SGCZ: variants seen among roughly 807,000 people sequenced by gnomAD.
The protein encoded by SGCZ is sarcoglycan zeta, also known as zeta-sarcoglycan.
A neutral mutation model predicts 41.3 loss-of-function variants in SGCZ; 40 were observed. The observed-to-expected ratio is 0.97, with a 90% CI of 0.75 to 1.26. The LOEUF is 1.26. Among genes scored for constraint, SGCZ ranks in the 50% most tolerant of loss-of-function variants. The pLI, the probability that SGCZ is intolerant of heterozygous loss-of-function variation, is 0.00. For synonymous variants in SGCZ, 206 were observed against 137.5 expected (o/e 1.50, Z -3.49); for missense variants, 552 against 369.8 (o/e 1.49, Z -4.04).
chr8:14,835,250 A>G (rs943158308), intron 1 of SGCZ, among the ~76,000 whole-genome samples: 2 of 152,164 alleles, frequency 1.3e-5, no homozygotes, highest in African/African-American at 4.8e-5. Flanking sequence ...GGCACCTGAA[A>G]TATTTTCATC....
intron 1 of SGCZ, among the ~76,000 whole-genome samples, chr8:14,814,931 G>C (rs1206845732): frequency 1.3e-5 from 2 of 152,052 alleles, no homozygotes; most frequent in Non-Finnish European, 2.9e-5. Flanking sequence ...AATGTTTGCT[G>C]TTTCTGTAAT....
chr8:14,775,710 G>T (rs944322519), intron 1 of SGCZ, among the ~76,000 whole-genome samples: 1 of 152,082 alleles, frequency 6.6e-6, no homozygotes, highest in East Asian at 1.9e-4. Flanking sequence ...AAGTGAAAAA[G>T]ATGTGAAGTC....
chr8:14,598,089 G>A (rs1805470258), intron 1 of SGCZ, among the ~76,000 whole-genome samples: 1 of 151,992 alleles, frequency 6.6e-6, no homozygotes, highest in African/African-American at 2.4e-5. Flanking sequence ...TGACTACATT[G>A]GTTTTTAAAA....
chr8:14,249,895 C>T (rs540584147), intron 3 of SGCZ, among the ~76,000 whole-genome samples: 23 of 152,222 alleles, frequency 1.5e-4, no homozygotes, highest in Admixed American at 3.9e-4. Flanking sequence ...GTATGTCTAG[C>T]TAAATCAAAA....
At chr8:15,156,957 A>G (rs995195054) in intron 1 of SGCZ, among the ~76,000 whole-genome samples, 3 of 151,552 alleles carry the variant, frequency 2.0e-5, no homozygotes, top group Admixed American at 6.6e-5. Flanking sequence ...AAAAAAAAAA[A>G]AAGAAAAGAA....
chr8:14,990,141 G>A (rs934645865), intron 1 of SGCZ, among the ~76,000 whole-genome samples: 2 of 152,136 alleles, frequency 1.3e-5, no homozygotes, highest in African/African-American at 4.8e-5. Flanking sequence ...TTTATAAAGT[G>A]AAGAAATTGA....
chr8:14,626,145 T>C (rs1806446349), intron 1 of SGCZ, among the ~76,000 whole-genome samples: 1 of 152,178 alleles, frequency 6.6e-6, no homozygotes. Context: ...CTTTTTGTTT[T>C]ATATCATTTT....
chr8:14,726,736 C>G (rs1810069736), intron 1 of SGCZ, among the ~76,000 whole-genome samples: 1 of 151,880 alleles, frequency 6.6e-6, no homozygotes, highest in Admixed American at 6.6e-5. Flanking sequence ...ACATACAAAC[C>G]TGCAACAATA....
chr8:14,805,982 T>A (rs1404804773), intron 1 of SGCZ, among the ~76,000 whole-genome samples: 14 of 146,938 alleles, frequency 9.5e-5, no homozygotes, highest in South Asian at 4.5e-4. Context: ...GAATGACTAC[T>A]GGGTACATAA....
intron 1 of SGCZ, among the ~76,000 whole-genome samples, chr8:14,684,391 G>A (rs950795360): frequency 3.9e-5 from 6 of 152,080 alleles, no homozygotes; most frequent in Admixed American, 2.6e-4. Context: ...ATTTTGGTTC[G>A]TTACATCACA....
At chr8:14,869,904 A>G (rs1804082679) in intron 1 of SGCZ, among the ~76,000 whole-genome samples, 1 of 152,220 alleles carries the variant, frequency 6.6e-6, no homozygotes, top group Non-Finnish European at 1.5e-5. Context: ...GGAGAACTAC[A>G]AAACACTGCT....
chr8:14,426,804 G>C (rs185550172), intron 2 of SGCZ, among the ~76,000 whole-genome samples: 20 of 152,242 alleles, frequency 1.3e-4, no homozygotes, highest in African/African-American at 4.6e-4. Context: ...ATGGCTTAAA[G>C]TGAGTTGCAA....
intron 1 of SGCZ, among the ~76,000 whole-genome samples, chr8:14,797,258 G>C (rs1035329018): frequency 3.3e-5 from 5 of 152,086 alleles, no homozygotes; most frequent in African/African-American, 1.2e-4. Flanking sequence ...ATTTAGAAAA[G>C]TTTGGAACTT....
At chr8:14,441,819 C>A (rs995123362) in intron 2 of SGCZ, among the ~76,000 whole-genome samples, 7 of 152,052 alleles carry the variant, frequency 4.6e-5, no homozygotes, top group Non-Finnish European at 2.9e-5. Flanking sequence ...GTTTCTATAG[C>A]TTTTTTTAAC....
At chr8:14,600,331 A>G (rs1286674280) in intron 1 of SGCZ, among the ~76,000 whole-genome samples, 1 of 152,196 alleles carries the variant, frequency 6.6e-6, no homozygotes, top group Admixed American at 6.5e-5. Flanking sequence ...CTGATGACTC[A>G]GAAGGGTAAA....
Position 14,558,511 on chromosome 8 carries a change from G to C in SGCZ, c.40-3585C>G, listed in dbSNP as rs924832388. ...AATTGCTTGAACCCGGAAGGCAGAGGTTGCAGTGAGCAGAGATGGTGCCAC... is the reference window on the plus strand; with the variant it reads ...AATTGCTTGAACCCGGAAGGCAGAGCTTGCAGTGAGCAGAGATGGTGCCAC... On this transcript the variant is annotated intron_variant, in intron 1 of 7. Coordinates refer to ENST00000382080, the MANE Select transcript of SGCZ (RefSeq NM_139167.4). Among the ~76,000 whole-genome samples, 32 of 149,620 alleles carry C rather than the reference G, an allele frequency of 2.1e-4. No individual in the cohort carries two copies. In the Admixed American group the frequency reaches 2.1e-3, roughly 10 times the overall value.
At chr8:14,185,884 C>A (rs962313845) in intron 4 of SGCZ, among the ~76,000 whole-genome samples, 4 of 152,168 alleles carry the variant, frequency 2.6e-5, no homozygotes, top group African/African-American at 9.7e-5. Flanking sequence ...AGGTTCATGG[C>A]TTTAAATAAT....
chr8:14,929,110 G>A (rs1799852478), intron 1 of SGCZ, among the ~76,000 whole-genome samples: 1 of 152,066 alleles, frequency 6.6e-6, no homozygotes, highest in Non-Finnish European at 1.5e-5. Context: ...TCCTGCCTCA[G>A]CCTCCTGAGT....
intron 1 of SGCZ, among the ~76,000 whole-genome samples, chr8:14,826,759 T>C (rs937364591): frequency 2.0e-5 from 3 of 152,252 alleles, no homozygotes; most frequent in Non-Finnish European, 4.4e-5. Flanking sequence ...TTTATATCCT[T>C]TGCCGACTTT....
Sources: gnomAD v4.1 joint callset for allele counts (sites outside exome capture counted in the v4.1 genomes callset) on GRCh38, gnomAD v4.1.1 for gene constraint, MANE v1.5 for transcripts, NCBI Gene and HGNC (gene_info 2026-07-23, HGNC 2026-07-21) for gene names.